The following KANSL1 variants were observed in gnomAD, a reference collection of about 807,000 sequenced individuals.
KANSL1 encodes MLL1/MLL complex subunit KANSL1.
A neutral mutation model predicts 103.6 loss-of-function variants in KANSL1; 22 were observed. The ratio of observed to expected loss-of-function variants is 0.21; its 90% CI spans 0.15 to 0.30. KANSL1 has a LOEUF of 0.30. Ranked by LOEUF, KANSL1 falls within the 10% of genes least tolerant of loss-of-function variation. KANSL1 has a pLI of 1.00. For missense variants in KANSL1, 1,337 were observed against 1,399.8 expected (o/e 0.96, Z 0.72); for synonymous variants, 600 against 527.6 (o/e 1.14, Z -1.88).
chr17:46,171,209 T>C lies in KANSL1; in HGVS notation c.935A>G (p.Gln312Arg), dbSNP rs758162967. ...CTGATGTTGTATATGCCTCTCAACC[T>C]GCTTGGCTTGCACAACCTGTAAGCG... ...QKRLQVVQAK[Q>R]VERHIQHQLG... Residue 312 changes from glutamine (Q) to arginine (R), a missense_variant, in exon 2 of 15, where the codon CAG (glutamine) becomes CGG (arginine). Around this residue, in one of 2 missense-constraint regions of KANSL1, gnomAD observed 557 missense variants for 476.4 expected, o/e 1.17. Transcript: ENST00000432791. The C allele has an allele frequency of 6.2e-7, 1 of 1,614,154 alleles. No individual in the cohort carries two copies. The highest frequency in any genetic ancestry group is 8.5e-7 in the Non-Finnish European group (1 of 1,180,038).
chr17:46,059,859 T>C (rs1248708869), intron 6 of KANSL1, among the ~76,000 whole-genome samples: 1 of 151,796 alleles, frequency 6.6e-6, no homozygotes, highest in Non-Finnish European at 1.5e-5. Flanking sequence ...CCACCACAGC[T>C]GGCTTTTTTA....
intron 10 of KANSL1, chr17:46,038,185 G>T: frequency 4.7e-5 from 10 of 212,386 alleles, no homozygotes; most frequent in East Asian, 2.2e-4. Flanking sequence ...TTCACTTCTT[G>T]GGCCAACAGG....
rs546016685 is a variant in KANSL1, at chr17:46,177,248, CAGT to C, written c.-89-5019_-89-5017del. Among the ~76,000 whole-genome samples the C allele has an allele frequency of 3.9e-5, 6 of 152,320 alleles. No individual in the cohort carries two copies. In the South Asian group the frequency reaches 1.2e-3, roughly 32 times the overall value. On this transcript the variant is annotated intron_variant, in intron 1 of 14. Transcript: ENST00000432791. ...TGGCCACGTACCTGGAGCAACCACC[CAGT>C]ATTATTTGCACTTTTATTACACTGG...
At chr17:46,181,533 G>A (rs966354960) in intron 1 of KANSL1, among the ~76,000 whole-genome samples, 10 of 152,006 alleles carry the variant, frequency 6.6e-5, no homozygotes, top group South Asian at 2.1e-4. Flanking sequence ...AGGTTCAAAC[G>A]ATTCTCCTAC....
chr17:46,108,750 C>T (rs1199674142), intron 2 of KANSL1, among the ~76,000 whole-genome samples: 2 of 152,154 alleles, frequency 1.3e-5, no homozygotes, highest in Non-Finnish European at 2.9e-5. Flanking sequence ...AAAGTAATTC[C>T]AGACTGAAGC....
At chr17:46,164,097 ACTTAG>A (rs1328218914) in intron 2 of KANSL1, among the ~76,000 whole-genome samples, 3 of 152,256 alleles carry the variant, frequency 2.0e-5, no homozygotes, top group Non-Finnish European at 4.4e-5. Context: ...GAGGATACAA[ACTTAG>A]CTTATTCATC....
At chr17:46,062,091 C>CAAAAAAAAAAAAAAAAAAAAAAAAAAA (rs35638067) in intron 6 of KANSL1, among the ~76,000 whole-genome samples, 1 of 70,080 alleles carries the variant, frequency 1.4e-5, no homozygotes, top group Non-Finnish European at 2.4e-5. Context: ...GACTCCGACT[C>CAAAAAAAAAAAAAAAAAAAAAAAAAAA]AAAAAAAAAA....
At chr17:46,207,118 A>G (rs2148005411) in intron 1 of KANSL1, among the ~76,000 whole-genome samples, 1 of 152,318 alleles carries the variant, frequency 6.6e-6, no homozygotes, top group Non-Finnish European at 1.5e-5. Context: ...AATAATAAAA[A>G]AAAACAATTA....
At chr17:46,062,134 A>AAAAAAC (rs67483415) in intron 6 of KANSL1, among the ~76,000 whole-genome samples, 64 of 132,722 alleles carry the variant, frequency 4.8e-4, no homozygotes, top group South Asian at 3.2e-3. Context: ...AAAAAAAAAA[A>AAAAAAC]CATGTTACAG....
rs555445675 is a variant in KANSL1 at position 46,100,020 on chromosome 17, T to C, written c.1290-5319A>G. Among the ~76,000 whole-genome samples the C allele has an allele frequency of 4.6e-5, 7 of 152,344 alleles. No homozygotes were observed. In the East Asian group the frequency reaches 1.3e-3, roughly 29 times the overall value. ...TAGTATTGGTTTACATAAGAAATATTTGTTGTATATAAATATTTCATTAGC... is the reference window on the plus strand; with the variant it reads ...TAGTATTGGTTTACATAAGAAATATCTGTTGTATATAAATATTTCATTAGC... On this transcript the variant is annotated intron_variant, in intron 2 of 14. Transcript: ENST00000432791.
intron 2 of KANSL1, among the ~76,000 whole-genome samples, chr17:46,096,136 A>ATTCTTTTT (rs776509440): frequency 7.5e-4 from 103 of 137,452 alleles, no homozygotes; most frequent in African/African-American, 2.5e-3. Context: ...ATGATACTGT[A>ATTCTTTTT]TTTTTTTTTT....
chr17:46,086,743 C>G (rs935882174), intron 3 of KANSL1, among the ~76,000 whole-genome samples: 2 of 152,070 alleles, frequency 1.3e-5, no homozygotes, highest in African/African-American at 4.8e-5. Context: ...TGCTTGAGGC[C>G]AGGAGTTCAG....
chr17:46,178,512 T>C (rs1259406814), intron 1 of KANSL1, among the ~76,000 whole-genome samples: 1 of 152,242 alleles, frequency 6.6e-6, no homozygotes, highest in Non-Finnish European at 1.5e-5. Flanking sequence ...CAAATACAGA[T>C]GGAGCTGCTA....
At position 46,094,661 on chromosome 17, in the gene KANSL1, C is replaced by A; in HGVS notation, c.1330G>T (p.Ala444Ser). The change falls in exon 3 of 15, where the codon GCT (alanine) becomes TCT (serine). Residue 444 changes from alanine to serine, a missense_variant. This residue lies in a region of KANSL1 where 780 missense variants were observed against 923.4 expected (regional missense o/e 0.84). Coordinates refer to ENST00000432791, the MANE Select transcript of KANSL1 (RefSeq NM_015443.4). ...AGCCAGTTCCAGCGGCTGACAATAG[C>A]TGCCCGGTCTGCAGCCCATTTCCAT... ...SEWKWAADRA[A>S]IVSRWNWLQA... 6.2e-7 allele frequency: 1 copy of A among 1,614,204 alleles called. No homozygotes were observed. Among genetic ancestry groups the A allele is most frequent in the Non-Finnish European group, 8.5e-7 (1 of 1,180,052 alleles).
At chr17:46,172,698 C>G (rs796254115) in intron 1 of KANSL1, among the ~76,000 whole-genome samples, 8 of 152,312 alleles carry the variant, frequency 5.3e-5, no homozygotes, top group African/African-American at 1.9e-4. Flanking sequence ...ATTTTTCTGG[C>G]CAGGGAATCC....
At chr17:46,069,037 T>G (rs1447546707) in intron 4 of KANSL1, among the ~76,000 whole-genome samples, 1 of 152,212 alleles carries the variant, frequency 6.6e-6, no homozygotes, top group Non-Finnish European at 1.5e-5. Flanking sequence ...GCGATTCTCC[T>G]GCTTTGGCCT....
chr17:46,168,851 C>T (rs1202417146), intron 2 of KANSL1, among the ~76,000 whole-genome samples: 1 of 152,222 alleles, frequency 6.6e-6, no homozygotes, highest in Admixed American at 6.5e-5. Context: ...AACCATAAAC[C>T]ATTATGTGAG....
intron 1 of KANSL1, among the ~76,000 whole-genome samples, chr17:46,182,931 T>C (rs1344069026): frequency 1.3e-5 from 2 of 152,222 alleles, no homozygotes; most frequent in African/African-American, 2.4e-5. Context: ...GAACACCAAC[T>C]ACCTACTGAG....
intron 2 of KANSL1, among the ~76,000 whole-genome samples, chr17:46,161,660 G>T (rs1279859344): frequency 6.6e-6 from 1 of 152,186 alleles, no homozygotes; most frequent in African/African-American, 2.4e-5. Context: ...CAATTCCCTG[G>T]CACATGCCCT....
Sources: allele counts gnomAD v4.1 joint callset (sites outside exome capture counted in the v4.1 genomes callset), GRCh38; gene constraint gnomAD v4.1.1; regional missense constraint gnomAD v4.1.1; transcripts MANE v1.5; gene names NCBI Gene and HGNC (gene_info 2026-07-23, HGNC 2026-07-21).